Variants in DNAH5 observed in about 807,000 individuals in gnomAD.
DNAH5 encodes the protein axonemal beta dynein heavy chain 5.
Under a neutral mutation model 518.2 loss-of-function variants are expected in DNAH5, and 372 were observed. The observed-to-expected ratio is 0.72, with a 90% CI of 0.66 to 0.78. The LOEUF (loss-of-function observed/expected upper bound fraction) is 0.78. DNAH5 is among the 30% of genes least tolerant of loss of function. The pLI is 0.00. For synonymous variants in DNAH5, 2,039 were observed against 2,025.9 expected (o/e 1.01, Z -0.17); for missense variants, 5,523 against 5,687.0 (o/e 0.97, Z 0.93).
At chr5:13,817,391 T>C (rs898683975) in intron 42 of DNAH5, among the ~76,000 whole-genome samples, 157 bp downstream of exon 42, 1 of 152,234 alleles carries the variant, frequency 6.6e-6, no homozygotes, top group African/African-American at 2.4e-5. Context: ...AATAATTCCA[T>C]TATTTCAACT....
chr5:13,952,758 C>T (rs1780511973), intron 1 of DNAH5, among the ~76,000 whole-genome samples: 1 of 152,098 alleles, frequency 6.6e-6, no homozygotes, highest in Admixed American at 6.6e-5. Flanking sequence ...ACAAAAATAA[C>T]CCGTTTATTT....
At position 13,807,622 on chromosome 5, in the gene DNAH5, A is replaced by C. The variant is rs1454863001; in HGVS notation, c.7856T>G (p.Phe2619Cys). 13 of 1,613,816 alleles carry C rather than the reference A, an allele frequency of 8.1e-6. No homozygotes were observed. Among genetic ancestry groups the C allele is most frequent in the Non-Finnish European group, 1.0e-5 (12 of 1,179,808 alleles). ...CATCAGTGGGGTGGTTGCAGAAGAA[A>C]AATTCAGACTCTTGATCATGTGACA... ...PECHMIKSLN[F>C]SSATTPLMFQ... is the part of the protein sequence containing the mutation. Residue 2619 changes from phenylalanine (F) to cysteine (C), a missense_variant, in exon 47 of 79, where the codon TTT (phenylalanine) becomes TGT (cysteine). By Grantham distance (205) the Phe-to-Cys change is radical. Transcript: ENST00000265104.
chr5:13,981,560 G>T (rs746420030), intron 1 of DNAH5, among the ~76,000 whole-genome samples: 21 of 152,192 alleles, frequency 1.4e-4, no homozygotes, highest in Admixed American at 2.6e-4. Context: ...TATGAAAGAA[G>T]TGGAATGTGC....
chr5:13,718,679 GA>G (rs1025367039), intron 72 of DNAH5, among the ~76,000 whole-genome samples: 2 of 152,172 alleles, frequency 1.3e-5, no homozygotes, highest in Non-Finnish European at 2.9e-5. Context: ...GGGAAAATAG[GA>G]AACTAGAAGG....
At chr5:13,889,201 TA>T (rs751138572) in intron 17 of DNAH5, among the ~76,000 whole-genome samples, 1 of 152,222 alleles carries the variant, frequency 6.6e-6, no homozygotes, top group African/African-American at 2.4e-5. Flanking sequence ...AATTTAAATT[TA>T]AAACAAGTGT....
chr5:13,794,002 C>T lies in DNAH5; in HGVS notation c.7944G>A (p.Ala2648=), dbSNP rs942441992. ...CAATAAAAACAGTCATCTTCTTTCC[C>T]GCAGGAGGGCCATATGTTGTACCCA... The part of the protein sequence containing the change: ...KRMGTTYGPP[A]GKKMTVFIDD... Residue 2648 remains alanine (A), a synonymous_variant, in exon 48 of 79, where the codon GCG becomes GCA. Transcript: ENST00000265104. 9.3e-6 allele frequency: 15 copies of T among 1,613,898 alleles called. No homozygotes were observed. Among genetic ancestry groups the T allele is most frequent in the Non-Finnish European group, 1.0e-5 (12 of 1,179,988 alleles).
intron 7 of DNAH5, among the ~76,000 whole-genome samples, chr5:13,917,894 T>C (rs1204842934): frequency 6.6e-6 from 1 of 152,190 alleles, no homozygotes; most frequent in Non-Finnish European, 1.5e-5. Flanking sequence ...TTGCAACAAA[T>C]TATTACGTAT....
chr5:13,700,352 G>A (rs559973176), intron 78 of DNAH5, among the ~76,000 whole-genome samples: 31 of 152,240 alleles, frequency 2.0e-4, no homozygotes, highest in African/African-American at 7.0e-4. Flanking sequence ...TATTAATTAT[G>A]CCAAACATTT....
chr5:13,906,327 A>G (rs1775285621), intron 12 of DNAH5, among the ~76,000 whole-genome samples: 1 of 152,186 alleles, frequency 6.6e-6, no homozygotes, highest in African/African-American at 2.4e-5. Context: ...GGGGATGTTC[A>G]TAATGGGGGA....
At chr5:13,736,192 C>G (rs1747385171) in intron 66 of DNAH5, among the ~76,000 whole-genome samples, 2 of 152,208 alleles carry the variant, frequency 1.3e-5, no homozygotes, top group Non-Finnish European at 2.9e-5. Flanking sequence ...CAATATTTTA[C>G]TATTTTTACT....
chr5:13,847,765 C>T (rs795538), intron 31 of DNAH5, among the ~76,000 whole-genome samples: 137,447 of 150,836 alleles, frequency 0.91, 63,236 homozygotes, highest in South Asian at 0.98. Context: ...GGGGGGATTT[C>T]GCATGTGTGT....
At chr5:13,825,156 A>G (rs1356238995) in intron 38 of DNAH5, among the ~76,000 whole-genome samples, 1 of 152,132 alleles carries the variant, frequency 6.6e-6, no homozygotes, top group Non-Finnish European at 1.5e-5. Context: ...AGCCTGGCCA[A>G]CATGATGAAA....
Position 13,721,190 on chromosome 5 carries a change from A to C in DNAH5, c.12089T>G (p.Leu4030Ter). 1 of 1,614,164 alleles carries C rather than the reference A, an allele frequency of 6.2e-7. No individual in the cohort carries two copies. The highest frequency in any genetic ancestry group is 8.5e-7 in the Non-Finnish European group (1 of 1,179,998). ...MGEKYAEGVI[L>*]DLEKTWEESD... ...TTCCTCCCACGTCTTCTCCAAGTCT[A>C]AAATAACACCTTCGGCATATTTTTC... Residue 4030 changes from leucine to a stop codon, truncating the protein, a stop_gained, in exon 71 of 79, where the codon TTA (leucine) becomes TGA (stop). Transcript: ENST00000265104. LOFTEE classifies it high-confidence loss of function.
chr5:13,921,475 T>TCACTCACACACA (rs1554103993), intron 5 of DNAH5, among the ~76,000 whole-genome samples: 2 of 73,698 alleles, frequency 2.7e-5, no homozygotes, highest in African/African-American at 1.0e-4. Flanking sequence ...TATCTCTCTC[T>TCACTCACACACA]CACACACACA....
chr5:13,755,842 C>T (rs2134259), intron 61 of DNAH5, among the ~76,000 whole-genome samples: 56,999 of 152,138 alleles, frequency 0.37, 11,008 homozygotes, highest in South Asian at 0.47. Context: ...ATCCCAATTC[C>T]ATCAGCCAAA....
chr5:13,834,585 G>C (rs913004338), intron 35 of DNAH5, among the ~76,000 whole-genome samples: 3 of 152,182 alleles, frequency 2.0e-5, no homozygotes, highest in South Asian at 2.1e-4. Context: ...AAGGATAAGA[G>C]GGTTATGAGA....
At chr5:13,803,079 T>A (rs1170171240) in intron 47 of DNAH5, among the ~76,000 whole-genome samples, 1 of 152,196 alleles carries the variant, frequency 6.6e-6, no homozygotes, top group East Asian at 1.9e-4. Context: ...TAGTATAAAA[T>A]GTAAAGCTAT....
intron 41 of DNAH5, among the ~76,000 whole-genome samples, chr5:13,818,326 T>C (rs1823045): frequency 0.4 from 61,472 of 152,082 alleles, 12,604 homozygotes; most frequent in East Asian, 0.65. Flanking sequence ...GGGCAGGGCA[T>C]GGTGGCTCAC....
chr5:13,857,320 T>A (rs147200662), intron 30 of DNAH5, among the ~76,000 whole-genome samples: 3,072 of 152,260 alleles, frequency 0.02, 100 homozygotes, highest in African/African-American at 0.068. Flanking sequence ...GTGAAGGACC[T>A]CTTCAAGGAG....
Sources: gnomAD v4.1 joint callset for allele counts (sites outside exome capture counted in the v4.1 genomes callset) on GRCh38, gnomAD v4.1.1 for gene constraint, MANE v1.5 for transcripts, NCBI Gene and HGNC (gene_info 2026-07-23, HGNC 2026-07-21) for gene names.